Variants in CACNA1E observed in about 807,000 individuals in gnomAD.
CACNA1E encodes the protein voltage-dependent R-type calcium channel subunit alpha-1E.
Under a neutral mutation model 259.2 loss-of-function variants are expected in CACNA1E, and 40 were observed. That is an observed-to-expected ratio of 0.15 (90% CI 0.12 to 0.20). CACNA1E has a LOEUF of 0.20. Among genes scored for constraint, CACNA1E ranks in the 10% least tolerant of loss-of-function variants. The pLI, the probability that CACNA1E is intolerant of heterozygous loss-of-function variation, is 1.00. For synonymous variants in CACNA1E, 1,104 were observed against 1,138.5 expected (o/e 0.97, Z 0.61); for missense variants, 1,874 against 3,040.1 (o/e 0.62, Z 9.02).
chr1:181,519,713 T>C (rs547150854), intron 3 of CACNA1E, among the ~76,000 whole-genome samples: 1 of 152,320 alleles, frequency 6.6e-6, no homozygotes, highest in South Asian at 2.1e-4. Flanking sequence ...GTTGCAGCGA[T>C]GCCTTACTAC....
intron 8 of CACNA1E, among the ~76,000 whole-genome samples, chr1:181,713,104 C>T (rs947922507): frequency 1.2e-4 from 19 of 152,204 alleles, no homozygotes; most frequent in Admixed American, 2.0e-4. Flanking sequence ...AGTTCTAAAG[C>T]GAACTTGGCA....
chr1:181,728,595 G>A (rs564341748), intron 18 of CACNA1E, among the ~76,000 whole-genome samples: 29 of 152,234 alleles, frequency 1.9e-4, no homozygotes, highest in African/African-American at 5.5e-4. Flanking sequence ...GCTCGTGTGC[G>A]TACTCTGCCC....
chr1:181,460,045 A>G (rs1661704946), intron 2 of CACNA1E, among the ~76,000 whole-genome samples: 1 of 152,098 alleles, frequency 6.6e-6, no homozygotes, highest in Non-Finnish European at 1.5e-5. Flanking sequence ...GCATACCTTA[A>G]TAAAGGCACC....
intron 6 of CACNA1E, among the ~76,000 whole-genome samples, chr1:181,625,508 T>A (rs758966470): frequency 6.6e-6 from 1 of 152,230 alleles, no homozygotes; most frequent in Non-Finnish European, 1.5e-5. Context: ...CACTTTCATG[T>A]ATGGAAACGG....
chr1:181,399,402 T>A (rs1353320019), intron 1 of CACNA1E, among the ~76,000 whole-genome samples: 3 of 152,236 alleles, frequency 2.0e-5, no homozygotes, highest in Non-Finnish European at 4.4e-5. Flanking sequence ...TTTTCTAGAT[T>A]GTCCCAGGTG....
At chr1:181,675,071 C>T (rs1230386813) in intron 7 of CACNA1E, among the ~76,000 whole-genome samples, 1 of 152,210 alleles carries the variant, frequency 6.6e-6, no homozygotes, top group Non-Finnish European at 1.5e-5. Flanking sequence ...GTAATTCCTC[C>T]AGTCTCCAGA....
At position 181,720,323 on chromosome 1, in the gene CACNA1E, G is replaced by A. The variant is rs1654302660; in HGVS notation, c.1869G>A (p.Gln623=). Residue 623 remains glutamine, a synonymous_variant, in exon 14 of 48, where the codon CAG becomes CAA. Coordinates refer to ENST00000367573, the MANE Select transcript of CACNA1E (RefSeq NM_001205293.3). ...FIVVFALLGM[Q]LFGGRFNFND... Reference sequence around the variant, plus strand: ...TTGTCTTTGCTCTCCTAGGAATGCAGTTATTTGGAGGCAGGTAAGTGCCCA... The same window carrying A: ...TTGTCTTTGCTCTCCTAGGAATGCAATTATTTGGAGGCAGGTAAGTGCCCA... The A allele has an allele frequency of 6.2e-7, 1 of 1,613,222 alleles. No homozygotes were observed. Among genetic ancestry groups the A allele is most frequent in the Non-Finnish European group, 8.5e-7 (1 of 1,179,592 alleles).
chr1:181,353,523 TGAGA>T (rs897766404), intron 1 of CACNA1E, among the ~76,000 whole-genome samples: 1 of 151,866 alleles, frequency 6.6e-6, no homozygotes, highest in Non-Finnish European at 1.5e-5. Flanking sequence ...GACAAGCTCT[TGAGA>T]GAGAGAGAGC....
chr1:181,683,468 C>T (rs74127821), intron 7 of CACNA1E, among the ~76,000 whole-genome samples: 29,707 of 152,022 alleles, frequency 0.2, 3,543 homozygotes, highest in African/African-American at 0.34. Context: ...CAAGGAGGTA[C>T]GTGTGCAAGT....
chr1:181,409,888 G>A (rs972675463), intron 1 of CACNA1E, among the ~76,000 whole-genome samples: 8 of 152,204 alleles, frequency 5.3e-5, no homozygotes, highest in African/African-American at 1.7e-4. Flanking sequence ...TGGCAAAGAT[G>A]TGATTCAAAT....
At position 181,776,910 on chromosome 1, in the gene CACNA1E, A is replaced by C. The variant is rs1660022191; in HGVS notation, c.5267+682A>C. On this transcript the variant is annotated intron_variant, in intron 38 of 47. Transcript: ENST00000367573. This position sits in a 1 kb window ranked among gnomAD's most constrained non-coding sequence, Gnocchi z 4.4. ...CAGCCCATTGTCTGTTTTTGCAAAT[A>C]AAGTTTTATTGAAAGACAGCTCAAC... 6.6e-6 allele frequency among the ~76,000 whole-genome samples: 1 copy of C among 152,250 alleles called. No individual in the cohort carries two copies. The highest frequency in any genetic ancestry group is 2.4e-5 in the African/African-American group (1 of 41,470).
intron 2 of CACNA1E, among the ~76,000 whole-genome samples, chr1:181,447,309 T>C (rs541527022): frequency 1.3e-5 from 2 of 151,948 alleles, no homozygotes; most frequent in East Asian, 1.9e-4. Flanking sequence ...GGAGGATCAT[T>C]TGAAGCTAGG....
intron 2 of CACNA1E, among the ~76,000 whole-genome samples, chr1:181,415,123 C>T (rs1658168318): frequency 6.6e-6 from 1 of 152,200 alleles, no homozygotes; most frequent in Non-Finnish European, 1.5e-5. Context: ...AATGCACCTC[C>T]ATCTTATCTT....
At chr1:181,745,397 G>T (rs747764727) in intron 25 of CACNA1E, 1 of 484,352 alleles carries the variant, frequency 2.1e-6, no homozygotes, top group East Asian at 5.7e-5. Flanking sequence ...ATCTCAGCCC[G>T]TGGCCACAGA....
In CACNA1E at chr1:181,730,667, A is replaced by C. The variant is rs147986690; in HGVS notation, c.2241-508A>C. Among the ~76,000 whole-genome samples the C allele has an allele frequency of 2.0e-5, 3 of 152,340 alleles. No homozygotes were observed. The East Asian group carries it at 5.8e-4, about 29-fold the overall frequency. ...CCATGGACCACTTCGTAGCCTTGAC[A>C]TCGTGCATGGCAGAGCACTTGCTCC... On this transcript the variant is annotated intron_variant, in intron 18 of 47. Coordinates refer to ENST00000367573, the MANE Select transcript of CACNA1E (RefSeq NM_001205293.3).
chr1:181,358,405 G>A (rs1653616923), intron 1 of CACNA1E, among the ~76,000 whole-genome samples: 1 of 152,156 alleles, frequency 6.6e-6, no homozygotes, highest in Non-Finnish European at 1.5e-5. Context: ...AATGAGATTT[G>A]TATTGATTTC....
chr1:181,509,716 A>G (rs1419201808), intron 1 of CACNA1E, among the ~76,000 whole-genome samples: 2 of 152,212 alleles, frequency 1.3e-5, no homozygotes, highest in Non-Finnish European at 2.9e-5. Flanking sequence ...TTTCAAAAAC[A>G]TCTAACAGAA....
intron 3 of CACNA1E, among the ~76,000 whole-genome samples, chr1:181,531,382 G>A (rs1194091114): frequency 6.6e-6 from 1 of 152,146 alleles, no homozygotes; most frequent in Non-Finnish European, 1.5e-5. Flanking sequence ...TCCCCTCTGT[G>A]TTATTCTCGT....
intron 18 of CACNA1E, among the ~76,000 whole-genome samples, chr1:181,729,995 A>T (rs1655314798): frequency 6.6e-6 from 1 of 152,086 alleles, no homozygotes; most frequent in South Asian, 2.1e-4. Flanking sequence ...GGTTGTATTC[A>T]GTTGAGGAGC....
Sources: gnomAD v4.1 joint callset for allele counts (sites outside exome capture counted in the v4.1 genomes callset) on GRCh38, gnomAD v4.1.1 for gene constraint, Gnocchi (gnomAD v3.1) non-coding constraint, MANE v1.5 for transcripts, NCBI Gene and HGNC (gene_info 2026-07-23, HGNC 2026-07-21) for gene names.